RCAN1: variants seen among roughly 807,000 people sequenced by gnomAD.
RCAN1 encodes the protein calcipressin-1.
A neutral mutation model predicts 22.9 loss-of-function variants in RCAN1; 11 were observed. The observed-to-expected ratio is 0.48, with a 90% CI of 0.30 to 0.79. The LOEUF (loss-of-function observed/expected upper bound fraction) is 0.79. Among genes scored for constraint, RCAN1 ranks in the 30% least tolerant of loss-of-function variants. RCAN1 has a pLI of 0.06. For synonymous variants in RCAN1, 136 were observed against 142.3 expected (o/e 0.96, Z 0.32); for missense variants, 291 against 337.8 (o/e 0.86, Z 1.09).
chr21:34,575,455 C>G (rs2154441), intron 1 of RCAN1, among the ~76,000 whole-genome samples: 108,602 of 152,112 alleles, frequency 0.71, 39,183 homozygotes, highest in East Asian at 0.89. Context: ...GTCAAACCTA[C>G]AGCCCGGAGA....
chr21:34,542,053 C>T (rs998928359), intron 1 of RCAN1, among the ~76,000 whole-genome samples: 1 of 152,058 alleles, frequency 6.6e-6, no homozygotes, highest in Non-Finnish European at 1.5e-5. Flanking sequence ...TCTGCATACA[C>T]CCAAATTTGG....
At chr21:34,611,951 G>T (rs1217539892) in intron 1 of RCAN1, among the ~76,000 whole-genome samples, 1 of 152,138 alleles carries the variant, frequency 6.6e-6, no homozygotes, top group Non-Finnish European at 1.5e-5. Flanking sequence ...TGGTTTTTGG[G>T]TTTTCACTGA....
rs1225058047 is a variant in RCAN1 at position 34,614,331 on chromosome 21, C to A, written c.252+429G>T. 4.0e-6 allele frequency: 4 copies of A among 990,564 alleles called. No individual in the cohort carries two copies. The highest frequency in any genetic ancestry group is 4.8e-6 in the Non-Finnish European group (4 of 833,502). The allele number at this position is 990,564 out of a possible 1,614,324, so 61.4% of individuals were successfully genotyped here. On this transcript the variant is annotated intron_variant, in intron 1 of 3. Coordinates refer to ENST00000313806, the MANE Select transcript of RCAN1 (RefSeq NM_004414.7). This position sits in a 1 kb window ranked among gnomAD's most constrained non-coding sequence, Gnocchi z 6.0. ...CAGATTGGGAATGCAGGGACGTCGT[C>A]CTATTTATGAACACTGAGTCACGTC... is the stretch of plus-strand genomic sequence containing the variant.
At chr21:34,556,457 A>AATAATAATG (rs1278854564) in intron 1 of RCAN1, among the ~76,000 whole-genome samples, 2 of 150,542 alleles carry the variant, frequency 1.3e-5, no homozygotes, top group Non-Finnish European at 3.0e-5. Flanking sequence ...TAATAATAAT[A>AATAATAATG]ATAGGTTTAA....
chr21:34,577,563 C>A (rs1987453742), intron 1 of RCAN1, among the ~76,000 whole-genome samples: 1 of 152,180 alleles, frequency 6.6e-6, no homozygotes, highest in African/African-American at 2.4e-5. Flanking sequence ...CATGCCACTG[C>A]ATTCCAGCCT....
intron 1 of RCAN1, among the ~76,000 whole-genome samples, chr21:34,611,337 C>A (rs867654434): frequency 1.2e-4 from 18 of 152,168 alleles, no homozygotes; most frequent in African/African-American, 3.9e-4. Flanking sequence ...TTTCATTCAT[C>A]TGTAACAGTG....
intron 1 of RCAN1, among the ~76,000 whole-genome samples, chr21:34,546,411 T>C (rs560882189): frequency 1.3e-5 from 2 of 152,238 alleles, no homozygotes; most frequent in East Asian, 3.9e-4. Context: ...ACTATTTTCT[T>C]TGTTTCAAAC....
intron 1 of RCAN1, among the ~76,000 whole-genome samples, chr21:34,610,294 C>G (rs902287199): frequency 4.6e-5 from 7 of 152,166 alleles, no homozygotes; most frequent in Admixed American, 3.9e-4. Context: ...GACCAGAAAA[C>G]AAGTTTTGGG....
chr21:34,562,820 G>A (rs1986842221), intron 1 of RCAN1, among the ~76,000 whole-genome samples: 1 of 152,178 alleles, frequency 6.6e-6, no homozygotes, highest in Non-Finnish European at 1.5e-5. Flanking sequence ...GGTGTAAAAT[G>A]CTCATGGTAC....
chr21:34,526,615 A>G (rs1985071412), intron 1 of RCAN1: 2 of 1,580,950 alleles, frequency 1.3e-6, no homozygotes, highest in Non-Finnish European at 1.7e-6. Flanking sequence ...CCCAGTTAGC[A>G]TAATGCTTTG....
chr21:34,614,326 G>A lies in RCAN1; in HGVS notation c.252+434C>T. The A allele has an allele frequency of 1.0e-6, 1 of 990,478 alleles. No individual in the cohort carries two copies. Among genetic ancestry groups the A allele is most frequent in the Non-Finnish European group, 1.2e-6 (1 of 833,470 alleles). 61.4% of individuals were successfully genotyped at this position (990,478 alleles called of 1,614,324 possible). A position where few individuals can be genotyped will look rare whatever the true frequency, so the allele number is the denominator to read the frequency against. On this transcript the variant is annotated intron_variant, in intron 1 of 3. Coordinates refer to ENST00000313806, the MANE Select transcript of RCAN1 (RefSeq NM_004414.7). The surrounding 1 kb of genome is among the most constrained non-coding windows in gnomAD (Gnocchi z 6.0). The stretch of plus-strand genomic sequence containing the variant: ...TAGTGCAGATTGGGAATGCAGGGAC[G>A]TCGTCCTATTTATGAACACTGAGTC...
At chr21:34,547,985 C>A (rs1986213723) in intron 1 of RCAN1, among the ~76,000 whole-genome samples, 1 of 152,160 alleles carries the variant, frequency 6.6e-6, no homozygotes, top group African/African-American at 2.4e-5. Context: ...TGAGTAGAGT[C>A]CTTTTTGCAA....
At chr21:34,612,043 C>T (rs973541066) in intron 1 of RCAN1, among the ~76,000 whole-genome samples, 4 of 152,130 alleles carry the variant, frequency 2.6e-5, no homozygotes, top group African/African-American at 9.7e-5. Flanking sequence ...TCCAGATTCT[C>T]CAAATGGAGA....
At chr21:34,577,995 A>G (rs186150993) in intron 1 of RCAN1, among the ~76,000 whole-genome samples, 29 of 152,294 alleles carry the variant, frequency 1.9e-4, no homozygotes, top group Non-Finnish European at 3.1e-4. Flanking sequence ...CCTGCTGGAA[A>G]GTCAGACAGC....
Position 34,581,152 on chromosome 21 carries a change from C to T in RCAN1, c.252+33608G>A, listed in dbSNP as rs371713118. ...CTTCTAGACTGGAAAGTCTAAATAACTAAAATGTTTTCACTTCTCTAATAA... is the reference window on the plus strand; with the variant it reads ...CTTCTAGACTGGAAAGTCTAAATAATTAAAATGTTTTCACTTCTCTAATAA... On this transcript the variant is annotated intron_variant, in intron 1 of 3. Transcript: ENST00000313806. 4.1e-5 allele frequency among the ~76,000 whole-genome samples: 6 copies of T among 146,108 alleles called. No individual in the cohort carries two copies. In the East Asian group the frequency reaches 1.0e-3, roughly 25 times the overall value.
chr21:34,614,688 C>A lies in RCAN1; in HGVS notation c.252+72G>T, dbSNP rs1374212611. ...CGCGCGCGGCCGGGACTGGGCGCTG[C>A]GACCCGCGCCGCCTCCTCGGGCAAC... On this transcript the variant is annotated intron_variant, in intron 1 of 3. Coordinates refer to ENST00000313806, the MANE Select transcript of RCAN1 (RefSeq NM_004414.7). This position sits in a 1 kb window ranked among gnomAD's most constrained non-coding sequence, Gnocchi z 6.0. 2 of 1,282,344 alleles carry A rather than the reference C, an allele frequency of 1.6e-6. No individual in the cohort carries two copies. Among genetic ancestry groups the A allele is most frequent in the African/African-American group, 1.6e-5 (1 of 62,688 alleles). The allele number at this position is 1,282,344 out of a possible 1,614,324, so 79.4% of individuals were successfully genotyped here.
intron 1 of RCAN1, among the ~76,000 whole-genome samples, chr21:34,606,565 T>C (rs561136808): frequency 1.3e-5 from 2 of 152,214 alleles, no homozygotes; most frequent in Non-Finnish European, 2.9e-5. Flanking sequence ...TAAAGGTGAT[T>C]ATCATGGATT....
Position 34,614,052 on chromosome 21 carries a change from C to T in RCAN1, c.252+708G>A, listed in dbSNP as rs1163681828. ...TTACTCATACCTGCCCCTCACCCTC[C>T]AAAGTGTCTAAATTGTGTGGATTTT... On this transcript the variant is annotated intron_variant, in intron 1 of 3. Transcript: ENST00000313806. The surrounding 1 kb of genome is among the most constrained non-coding windows in gnomAD (Gnocchi z 6.0). 6.6e-6 allele frequency among the ~76,000 whole-genome samples: 1 copy of T among 152,228 alleles called. No homozygotes were observed. The highest frequency in any genetic ancestry group is 1.5e-5 in the Non-Finnish European group (1 of 68,038).
In RCAN1 at chr21:34,600,306, G is replaced by A. The variant is rs1310184996; in HGVS notation, c.252+14454C>T. Among the ~76,000 whole-genome samples the A allele has an allele frequency of 2.0e-5, 3 of 152,316 alleles. No individual in the cohort carries two copies. The East Asian group carries it at 5.8e-4, about 29-fold the overall frequency. Reference sequence around the variant, plus strand: ...AAACCAGGGCAGCATTCAGAGATAGGAACCATCACAAGTTGATTTTGCTCT... The same window carrying A: ...AAACCAGGGCAGCATTCAGAGATAGAAACCATCACAAGTTGATTTTGCTCT... On this transcript the variant is annotated intron_variant, in intron 1 of 3. Transcript: ENST00000313806.
Sources: gnomAD v4.1 joint callset for allele counts (sites outside exome capture counted in the v4.1 genomes callset) on GRCh38, gnomAD v4.1.1 for gene constraint, Gnocchi (gnomAD v3.1) non-coding constraint, MANE v1.5 for transcripts, NCBI Gene and HGNC (gene_info 2026-07-23, HGNC 2026-07-21) for gene names.